Variants in DNAH12 observed in about 807,000 individuals in gnomAD.
DNAH12 encodes axonemal beta dynein heavy chain 12.
A neutral mutation model predicts 371.5 loss-of-function variants in DNAH12; 285 were observed. The ratio of observed to expected loss-of-function variants is 0.77; its 90% CI spans 0.70 to 0.85. The LOEUF (loss-of-function observed/expected upper bound fraction) is 0.85. DNAH12 is among the 40% of genes least tolerant of loss of function. The pLI, the probability that DNAH12 is intolerant of heterozygous loss-of-function variation, is 0.00. For synonymous variants in DNAH12, 1,200 were observed against 1,213.0 expected, an observed-to-expected ratio of 0.99 and a Z score of 0.22; for missense variants, 3,611 against 3,689.4, an observed-to-expected ratio of 0.98 and a Z score of 0.55.
intron 4 of DNAH12, among the ~76,000 whole-genome samples, chr3:57,518,646 T>C (rs2068294039): frequency 6.6e-6 from 1 of 152,196 alleles, no homozygotes; most frequent in South Asian, 2.1e-4. Context: ...TTTTGAGAAC[T>C]ATATAGAGCT....
intron 2 of DNAH12, among the ~76,000 whole-genome samples, chr3:57,531,241 T>C (rs1381296821): frequency 6.6e-6 from 1 of 152,228 alleles, no homozygotes; most frequent in Non-Finnish European, 1.5e-5. Flanking sequence ...TTTGTTTGTC[T>C]AGGAAAGTCT....
At chr3:57,341,859 G>A (rs919194950) in intron 60 of DNAH12, among the ~76,000 whole-genome samples, 4 of 129,544 alleles carry the variant, frequency 3.1e-5, no homozygotes, top group African/African-American at 1.3e-4. Flanking sequence ...ACCAGGCTTC[G>A]AAATATACTA....
chr3:57,369,274 A>AT (rs2063118793), intron 55 of DNAH12, among the ~76,000 whole-genome samples: 1 of 139,642 alleles, frequency 7.2e-6, no homozygotes, highest in African/African-American at 2.7e-5. Context: ...TATATATATA[A>AT]TTTTTACATA....
intron 45 of DNAH12, among the ~76,000 whole-genome samples, chr3:57,389,018 C>G (rs1353370223): frequency 6.6e-6 from 1 of 151,980 alleles, no homozygotes; most frequent in African/African-American, 2.4e-5. Context: ...CAAACCTGCA[C>G]GTTGTGCACA....
At chr3:57,461,023 A>C (rs1301852976) in intron 19 of DNAH12, among the ~76,000 whole-genome samples, 1 of 152,214 alleles carries the variant, frequency 6.6e-6, no homozygotes, top group Non-Finnish European at 1.5e-5. Flanking sequence ...CATATCCAAT[A>C]AGATATGAAA....
chr3:57,448,445 G>C (rs1373723666), intron 25 of DNAH12, among the ~76,000 whole-genome samples: 1 of 151,964 alleles, frequency 6.6e-6, no homozygotes, highest in Admixed American at 6.6e-5. Flanking sequence ...AGCACGTCTG[G>C]AGTTGTTCGT....
rs901582962 is a variant in DNAH12, at chr3:57,468,917, A to T, written c.2168T>A (p.Phe723Tyr). 3.3e-6 allele frequency: 5 copies of T among 1,522,448 alleles called. No homozygotes were observed. Among genetic ancestry groups the T allele is most frequent in the African/African-American group, 1.4e-5 (1 of 70,500 alleles). 94.3% of individuals were successfully genotyped at this position (1,522,448 alleles called of 1,614,324 possible). A position where few individuals can be genotyped will look rare whatever the true frequency, so the allele number is the denominator to read the frequency against. The change falls in exon 17 of 74, where the codon TTT becomes TAT. Residue 723 changes from phenylalanine (F) to tyrosine (Y), a missense_variant. Physicochemically the swap from Phe to Tyr is conservative, Grantham distance 22. Coordinates refer to ENST00000495027, the MANE Select transcript of DNAH12 (RefSeq NM_001366028.2). Reference protein sequence around the residue: ...GESMEADVEEFSREIFKTLKF... With the variant: ...GESMEADVEEYSREIFKTLKF... ...TAGTGTCTTAAAAATTTCTCGGGAAAACTCTTCCACATCAGCCTCCATGCT... is the reference window on the plus strand; with the variant it reads ...TAGTGTCTTAAAAATTTCTCGGGAATACTCTTCCACATCAGCCTCCATGCT...
chr3:57,519,189 T>C (rs550598442), intron 4 of DNAH12, among the ~76,000 whole-genome samples: 1 of 152,226 alleles, frequency 6.6e-6, no homozygotes, highest in Admixed American at 6.5e-5. Flanking sequence ...TTGCCATCCG[T>C]GTATCCTCTA....
At chr3:57,527,399 A>C (rs913450675) in intron 2 of DNAH12, among the ~76,000 whole-genome samples, 1 of 152,222 alleles carries the variant, frequency 6.6e-6, no homozygotes, top group African/African-American at 2.4e-5. Context: ...TTTATAAAGA[A>C]AAGAGGTTTA....
At chr3:57,328,333 C>T (rs1469695687) in intron 62 of DNAH12, among the ~76,000 whole-genome samples, 1 of 149,592 alleles carries the variant, frequency 6.7e-6, no homozygotes, top group Non-Finnish European at 1.5e-5. Flanking sequence ...CAAACTGAAT[C>T]CAGCAGCACA....
At chr3:57,551,216 C>T in the DNAH12 span, among the ~76,000 whole-genome samples, 1 of 151,602 alleles carries the variant, frequency 6.6e-6, no homozygotes, top group East Asian at 1.9e-4. Flanking sequence ...TTAACTTTTC[C>T]TCACTAAAAA....
chr3:57,544,244 G>C lies in DNAH12; in HGVS notation c.-81C>G, dbSNP rs966273328. 6.6e-6 allele frequency: 1 copy of C among 152,246 alleles called. No individual in the cohort carries two copies. Among genetic ancestry groups the C allele is most frequent in the Non-Finnish European group, 1.5e-5 (1 of 68,074 alleles). The allele number at this position is 152,246 out of a possible 1,614,324, so 9.4% of individuals were successfully genotyped here. A position where few individuals can be genotyped will look rare whatever the true frequency, so the allele number is the denominator to read the frequency against. ...CCGCTGCGCAGACGCCAGAGAGAGA[G>C]AGAGACAGTCAGAGCCTCTCCTCAG... On this transcript the variant is annotated 5_prime_UTR_variant, in exon 1 of 74. Coordinates refer to ENST00000495027, the MANE Select transcript of DNAH12 (RefSeq NM_001366028.2).
intron 20 of DNAH12, among the ~76,000 whole-genome samples, chr3:57,459,360 T>C (rs545152127): frequency 8.5e-5 from 13 of 152,308 alleles, no homozygotes; most frequent in South Asian, 4.1e-4. Context: ...GAATCAGATG[T>C]ACATTTGAAG....
In DNAH12 at chr3:57,314,593, A is replaced by C; in HGVS notation, c.10563T>G (p.His3521Gln). ...ATTTCTTTCTCTCTTGCACAAGGGCATGAAAAAAACAAACTCCAAACAGTA... is the reference window on the plus strand; with the variant it reads ...ATTTCTTTCTCTCTTGCACAAGGGCCTGAAAAAAACAAACTCCAAACAGTA... Reference protein sequence around the residue: ...EKLLFGVCFFHALVQERKKFG... With the variant: ...EKLLFGVCFFQALVQERKKFG... The change falls in exon 66 of 74, where the codon CAT becomes CAG. Residue 3521 changes from histidine (H) to glutamine (Q), a missense_variant. His to Gln is a conservative substitution (Grantham distance 24, BLOSUM62 0). This residue lies in a region of DNAH12 where 2,266 missense variants were observed against 2,236.9 expected (regional missense o/e 1.01). Transcript: ENST00000495027. 1 of 1,550,676 alleles carries C rather than the reference A, an allele frequency of 6.4e-7. No homozygotes were observed. Among genetic ancestry groups the C allele is most frequent in the Non-Finnish European group, 8.7e-7 (1 of 1,146,800 alleles).
At chr3:57,520,028 G>T (rs1000797774) in intron 4 of DNAH12, 2 of 729,464 alleles carry the variant, frequency 2.7e-6, no homozygotes, top group South Asian at 3.3e-5. Flanking sequence ...CCGCGGAGCC[G>T]ATGGCCGACG....
intron 50 of DNAH12, among the ~76,000 whole-genome samples, chr3:57,381,270 A>T (rs2063384946): frequency 6.6e-6 from 1 of 151,606 alleles, no homozygotes; most frequent in Non-Finnish European, 1.5e-5. Flanking sequence ...TGTAAATGAG[A>T]ATAACTTAAT....
At chr3:57,399,395 A>T (rs1052144307) in intron 43 of DNAH12, among the ~76,000 whole-genome samples, 7 of 139,902 alleles carry the variant, frequency 5.0e-5, no homozygotes, top group African/African-American at 1.6e-4. Flanking sequence ...CAAATGGATT[A>T]AAAAAAAGAT....
chr3:57,341,210 C>A (rs1167310317), intron 60 of DNAH12, among the ~76,000 whole-genome samples: 3 of 152,126 alleles, frequency 2.0e-5, no homozygotes, highest in Non-Finnish European at 2.9e-5. Context: ...ACTCTCATCA[C>A]TCTTATTCAA....
In DNAH12 at chr3:57,405,842, T is replaced by G. The variant is rs2064008810; in HGVS notation, c.6387A>C (p.Arg2129Ser). Residue 2129 changes from arginine to serine, a missense_variant, in exon 41 of 74, where the codon AGA becomes AGC. Physicochemically the swap from Arg to Ser is moderately radical, Grantham distance 110. This residue lies in a region of DNAH12 where 2,266 missense variants were observed against 2,236.9 expected (regional missense o/e 1.01). Transcript: ENST00000495027. ...TAGTGTGTTTGTTCGCCACGGCGTC[T>G]CTTTCAATGAGTAAACAGCCCCGGA... is the stretch of plus-strand genomic sequence containing the variant. ...RVIRGCLLIERDAVANKHTMI... is the reference protein window; with the variant it reads ...RVIRGCLLIESDAVANKHTMI... 1 of 1,551,718 alleles carries G rather than the reference T, an allele frequency of 6.4e-7. No individual in the cohort carries two copies. Among genetic ancestry groups the G allele is most frequent in the African/African-American group, 1.4e-5 (1 of 73,170 alleles).
Sources: allele counts gnomAD v4.1 joint callset (sites outside exome capture counted in the v4.1 genomes callset), GRCh38; gene constraint gnomAD v4.1.1; regional missense constraint gnomAD v4.1.1; transcripts MANE v1.5; gene names NCBI Gene and HGNC (gene_info 2026-07-23, HGNC 2026-07-21).